Variants in ASTN2 observed in about 807,000 individuals in gnomAD.
The protein encoded by ASTN2 is astrotactin-2.
Under a neutral mutation model 139.8 loss-of-function variants are expected in ASTN2, and 54 were observed. The observed-to-expected ratio is 0.39, with a 90% confidence interval of 0.31 to 0.48. The LOEUF (loss-of-function observed/expected upper bound fraction) is 0.48, where lower values mean the gene tolerates loss of function less well. Ranked by LOEUF, ASTN2 falls within the 20% of genes least tolerant of loss-of-function variation. The probability of loss-of-function intolerance (pLI) is 0.95; values close to 1 mark genes in which losing one functional copy is unlikely to be tolerated. For missense variants in ASTN2, 1,565 were observed against 1,725.1 expected (o/e 0.91, Z 1.64); for synonymous variants, 756 against 719.5 (o/e 1.05, Z -0.81).
chr9:116,629,504 G>C (rs1856631515), intron 17 of ASTN2, among the ~76,000 whole-genome samples: 1 of 152,044 alleles, frequency 6.6e-6, no homozygotes, highest in African/African-American at 2.4e-5. Context: ...TAGGGCAGAG[G>C]GTCTATTTTG....
intron 5 of ASTN2, among the ~76,000 whole-genome samples, chr9:117,072,016 G>A (rs1444540108): frequency 2.6e-5 from 4 of 152,032 alleles, no homozygotes; most frequent in Non-Finnish European, 5.9e-5. Context: ...GTTCCTATTC[G>A]GCCATCTTGG....
At chr9:117,210,743 GAC>G (rs201519850) in intron 3 of ASTN2, among the ~76,000 whole-genome samples, 106 of 151,726 alleles carry the variant, frequency 7.0e-4, no homozygotes, top group African/African-American at 2.2e-3. Flanking sequence ...ACCAAACAAG[GAC>G]ACACACACAA....
chr9:117,385,057 A>G (rs1021075802), intron 1 of ASTN2, among the ~76,000 whole-genome samples: 1 of 152,196 alleles, frequency 6.6e-6, no homozygotes, highest in Non-Finnish European at 1.5e-5. Context: ...CACTATATAT[A>G]GTATCGAAGT....
At chr9:117,211,620 T>C (rs1832131882) in intron 3 of ASTN2, among the ~76,000 whole-genome samples, 1 of 152,212 alleles carries the variant, frequency 6.6e-6, no homozygotes, top group African/African-American at 2.4e-5. Flanking sequence ...TAAACCTCTT[T>C]TCTTTATAAA....
intron 19 of ASTN2, among the ~76,000 whole-genome samples, chr9:116,540,963 TAGTTTTGAAACTAGGGGAAAA>T (rs1851853158): frequency 1.3e-5 from 2 of 151,398 alleles, no homozygotes; most frequent in African/African-American, 4.8e-5. Context: ...GTTTTTCCCC[TAGTTTTGAAACTAGGGGAAAA>T]AGTTTGAATG....
At chr9:116,471,590 T>A (rs1450767210) in intron 20 of ASTN2, among the ~76,000 whole-genome samples, 2 of 151,540 alleles carry the variant, frequency 1.3e-5, no homozygotes, top group African/African-American at 4.9e-5. Flanking sequence ...GAGAAGGAAG[T>A]TGGGCAGTAA....
chr9:117,355,529 C>G (rs1490944339), intron 1 of ASTN2, among the ~76,000 whole-genome samples: 4 of 152,092 alleles, frequency 2.6e-5, no homozygotes, highest in Non-Finnish European at 5.9e-5. Context: ...TAGTGGACAA[C>G]CAGACACCAG....
At chr9:116,785,601 TG>T (rs1249691612) in intron 13 of ASTN2, among the ~76,000 whole-genome samples, 2 of 152,196 alleles carry the variant, frequency 1.3e-5, no homozygotes, top group Non-Finnish European at 2.9e-5. Context: ...GCTCCTCCTG[TG>T]GGCTTTCCTG....
chr9:117,243,422 C>A (rs543010527), intron 2 of ASTN2, among the ~76,000 whole-genome samples: 1 of 152,208 alleles, frequency 6.6e-6, no homozygotes, highest in Admixed American at 6.5e-5. Context: ...CTTCTCACTG[C>A]AAGTACAGAA....
intron 4 of ASTN2, among the ~76,000 whole-genome samples, chr9:117,122,115 TCTC>T (rs1416677549): frequency 2.6e-5 from 4 of 152,160 alleles, no homozygotes; most frequent in African/African-American, 9.7e-5. Context: ...ACAATGTAGA[TCTC>T]CTGCTCTCAG....
chr9:116,993,458 TCACA>T (rs139297526), intron 7 of ASTN2, among the ~76,000 whole-genome samples: 1 of 148,210 alleles, frequency 6.7e-6, no homozygotes, highest in Non-Finnish European at 1.5e-5. Flanking sequence ...TCTACAGGCT[TCACA>T]CACACACACA....
At chr9:117,255,922 T>C (rs373335930) in intron 2 of ASTN2, among the ~76,000 whole-genome samples, 1 of 152,220 alleles carries the variant, frequency 6.6e-6, no homozygotes, top group African/African-American at 2.4e-5. Context: ...GTACAACTTA[T>C]GGCAGGAAAA....
chr9:117,026,189 C>T (rs948364267), intron 6 of ASTN2, among the ~76,000 whole-genome samples: 13 of 151,952 alleles, frequency 8.6e-5, no homozygotes, highest in South Asian at 4.2e-4. Flanking sequence ...GGTGCTTCAG[C>T]GGAATTGTAA....
chr9:117,116,775 T>C lies in ASTN2; in HGVS notation c.1169-20624A>G, dbSNP rs532026874. Among the ~76,000 whole-genome samples the C allele has an allele frequency of 4.2e-4, 55 of 131,586 alleles. 1 individual carries two copies. The highest frequency in any genetic ancestry group is 1.6e-3 in the African/African-American group (55 of 33,720). 86.3% of individuals were successfully genotyped at this position (131,586 alleles called of 152,430 possible). A position where few individuals can be genotyped will look rare whatever the true frequency, so the allele number is the denominator to read the frequency against. On this transcript the variant is annotated intron_variant, in intron 4 of 22. Coordinates refer to ENST00000313400, the MANE Select transcript of ASTN2 (RefSeq NM_001365068.1). ...GTTATTTCCAATTGTTCCTAAAAAG[T>C]CTCTCTGTGTGAGTGTGTGTGTGTG... is the stretch of plus-strand genomic sequence containing the variant.
intron 20 of ASTN2, among the ~76,000 whole-genome samples, chr9:116,461,772 T>C (rs1848494261): frequency 6.6e-6 from 1 of 152,170 alleles, no homozygotes; most frequent in Admixed American, 6.6e-5. Context: ...AGTAGGTATG[T>C]CCAGTGAGTG....
chr9:116,788,149 G>A (rs983148313), intron 13 of ASTN2, among the ~76,000 whole-genome samples: 1 of 152,108 alleles, frequency 6.6e-6, no homozygotes, highest in Non-Finnish European at 1.5e-5. Flanking sequence ...GTGGTTATCA[G>A]AGGCAGGGGG....
At chr9:116,930,931 T>G (rs992386871) in intron 10 of ASTN2, among the ~76,000 whole-genome samples, 3 of 152,024 alleles carry the variant, frequency 2.0e-5, no homozygotes, top group African/African-American at 7.3e-5. Context: ...CTCTCAATTT[T>G]TCCTCCTCCA....
chr9:117,330,698 G>A (rs1468504209), intron 1 of ASTN2, among the ~76,000 whole-genome samples: 1 of 152,138 alleles, frequency 6.6e-6, no homozygotes, highest in Non-Finnish European at 1.5e-5. Context: ...AGCTGCAAAT[G>A]CAATGTACCC....
At chr9:116,725,321 TGA>T (rs1184391367) in intron 16 of ASTN2, among the ~76,000 whole-genome samples, 5 of 151,846 alleles carry the variant, frequency 3.3e-5, no homozygotes, top group African/African-American at 1.2e-4. Context: ...TGCTTGGTTA[TGA>T]GGTGATTGTT....
Sources: gnomAD v4.1 joint callset for allele counts (sites outside exome capture counted in the v4.1 genomes callset) on GRCh38, gnomAD v4.1.1 for gene constraint, MANE v1.5 for transcripts, NCBI Gene and HGNC (gene_info 2026-07-23, HGNC 2026-07-21) for gene names.